FNTB: variants seen among roughly 807,000 people sequenced by gnomAD.
The protein encoded by FNTB is farnesyltransferase, CAAX box, subunit beta, also known as protein farnesyltransferase subunit beta.
Under a neutral mutation model 59.4 loss-of-function variants are expected in FNTB, and 27 were observed. The ratio of observed to expected loss-of-function variants is 0.45; its 90% CI spans 0.34 to 0.63. The LOEUF is 0.63. Among genes scored for constraint, FNTB ranks in the 20% least tolerant of loss-of-function variants. The pLI is 0.02. For synonymous variants in FNTB, 230 were observed against 220.7 expected (o/e 1.04, Z -0.37); for missense variants, 449 against 559.6 (o/e 0.80, Z 1.99).
At chr14:64,999,374 G>C (rs1162052185) in intron 1 of FNTB, among the ~76,000 whole-genome samples, 1 of 152,202 alleles carries the variant, frequency 6.6e-6, no homozygotes, top group Non-Finnish European at 1.5e-5. Context: ...GGAGGCAGAG[G>C]TTGCAATGAG....
chr14:65,002,374 C>T (rs572891305), intron 1 of FNTB, among the ~76,000 whole-genome samples: 19 of 152,186 alleles, frequency 1.2e-4, no homozygotes, highest in African/African-American at 3.4e-4. Flanking sequence ...TTTGGGAGGC[C>T]GAGGCAGGTA....
intron 2 of FNTB, among the ~76,000 whole-genome samples, chr14:65,005,457 CT>C (rs143226232): frequency 2.2e-5 from 2 of 91,056 alleles, no homozygotes; most frequent in South Asian, 6.9e-4. Flanking sequence ...TCTTTTCTTT[CT>C]TTCTTTCTTT....
At position 65,032,665 on chromosome 14, in the gene FNTB, C is replaced by G; in HGVS notation, c.661C>G (p.Leu221Val). ...GCTGACCAACATCATCACTCCAGAC[C>G]TCTTTGAGGGCACTGCTGAATGGAT... ...ASLTNIITPD[L>V]FEGTAEWIAR... The change falls in exon 7 of 12, where the codon CTC becomes GTC. Residue 221 changes from leucine (L) to valine (V), a missense_variant. Leu to Val is a conservative substitution (Grantham distance 32, BLOSUM62 1). Transcript: ENST00000246166. This position sits in a 1 kb window ranked among gnomAD's most constrained non-coding sequence, Gnocchi z 5.0. 1.2e-6 allele frequency: 2 copies of G among 1,613,970 alleles called. No homozygotes were observed. Among genetic ancestry groups the G allele is most frequent in the South Asian group, 1.1e-5 (1 of 91,056 alleles).
rs148676846 is a variant in FNTB, at chr14:65,034,353, T to G, written c.692+1657T>G. 2.6e-5 allele frequency among the ~76,000 whole-genome samples: 4 copies of G among 152,378 alleles called. No homozygotes were observed. The East Asian group carries it at 7.7e-4, about 29-fold the overall frequency. On this transcript the variant is annotated intron_variant, in intron 7 of 11. Coordinates refer to ENST00000246166, the MANE Select transcript of FNTB (RefSeq NM_002028.4). ...TGGTTTTCTTATTTTCATGAAGTAT[T>G]GTACTCCAACAGATCCCAAAAAAGG...
intron 8 of FNTB, among the ~76,000 whole-genome samples, chr14:65,042,343 C>A (rs559807160): frequency 1.3e-5 from 2 of 152,326 alleles, no homozygotes; most frequent in South Asian, 2.1e-4. Flanking sequence ...TGTTTTCTTT[C>A]AACTAGACAG....
At chr14:65,043,657 C>A (rs1205146883) in intron 8 of FNTB, among the ~76,000 whole-genome samples, 1 of 151,266 alleles carries the variant, frequency 6.6e-6, no homozygotes, top group Non-Finnish European at 1.5e-5. Flanking sequence ...CCCGTCTCTA[C>A]TAAAAATACA....
At chr14:64,998,804 A>G (rs1282586189) in intron 1 of FNTB, among the ~76,000 whole-genome samples, 4 of 152,254 alleles carry the variant, frequency 2.6e-5, no homozygotes, top group Non-Finnish European at 5.9e-5. Flanking sequence ...GAGAATTTAC[A>G]TTTCAAACAA....
At chr14:64,999,270 C>T (rs1166124750) in intron 1 of FNTB, among the ~76,000 whole-genome samples, 1 of 152,080 alleles carries the variant, frequency 6.6e-6, no homozygotes, top group Non-Finnish European at 1.5e-5. Flanking sequence ...AAACCCATCT[C>T]TACTAAAAAT....
chr14:65,017,198 C>T (rs1311117116), intron 4 of FNTB, among the ~76,000 whole-genome samples: 1 of 152,156 alleles, frequency 6.6e-6, no homozygotes, highest in East Asian at 1.9e-4. Flanking sequence ...GCTGGGATAA[C>T]AGGTGTGAGC....
intron 1 of FNTB, among the ~76,000 whole-genome samples, chr14:64,993,616 A>G (rs1256560986): frequency 1.3e-5 from 2 of 152,328 alleles, no homozygotes; most frequent in East Asian, 3.9e-4. Flanking sequence ...TGCAGCTTCA[A>G]TGACATGAAT....
At chr14:65,050,962 T>C (rs1265868320) in intron 9 of FNTB, among the ~76,000 whole-genome samples, 1 of 152,142 alleles carries the variant, frequency 6.6e-6, no homozygotes, top group African/African-American at 2.4e-5. Flanking sequence ...GAAGATAGAG[T>C]GAAGTCCCAT....
chr14:65,022,122 AAGG>A (rs2061899500), intron 4 of FNTB: 10 of 454,606 alleles, frequency 2.2e-5, no homozygotes, highest in South Asian at 1.2e-4. Context: ...CTACCTAGGG[AAGG>A]AGATTTCCTC....
At chr14:65,003,560 A>G (rs1406977503) in intron 1 of FNTB, 1 of 152,212 alleles carries the variant, frequency 6.6e-6, no homozygotes, top group Non-Finnish European at 1.5e-5. Flanking sequence ...ACCCAGGGGA[A>G]AATGAGTAAT....
In FNTB at chr14:64,994,642, T is replaced by TA. The variant is rs1218658600; in HGVS notation, c.144+7551dup. Among the ~76,000 whole-genome samples, 3 of 152,144 alleles carry TA rather than the reference T, an allele frequency of 2.0e-5. No homozygotes were observed. Among genetic ancestry groups the TA allele is most frequent in the Admixed American group, 6.5e-5 (1 of 15,280 alleles). ...TAAAGTAAAAATATGTTATAAAAGA[T>TA]AAAAAATGATAGACCTATCTAGGGA... On this transcript the variant is annotated intron_variant, in intron 1 of 11. Coordinates refer to ENST00000246166, the MANE Select transcript of FNTB (RefSeq NM_002028.4). This position sits in a 1 kb window ranked among gnomAD's most constrained non-coding sequence, Gnocchi z 4.2.
In FNTB at chr14:65,001,569, A is replaced by G. The variant is rs1400739021; in HGVS notation, c.145-2680A>G. On this transcript the variant is annotated intron_variant, in intron 1 of 11. Transcript: ENST00000246166. The surrounding 1 kb of genome is among the most constrained non-coding windows in gnomAD (Gnocchi z 5.5). ...AGGGTTGTATAGGTTTTGTGTAAAT[A>G]CTCCAGCATTTTATATCAAGGACTT... 6.6e-6 allele frequency among the ~76,000 whole-genome samples: 1 copy of G among 152,070 alleles called. No individual in the cohort carries two copies. Among genetic ancestry groups the G allele is most frequent in the South Asian group, 2.1e-4 (1 of 4,816 alleles).
intron 4 of FNTB, among the ~76,000 whole-genome samples, chr14:65,022,544 A>T (rs1431304761): frequency 6.6e-6 from 1 of 151,994 alleles, no homozygotes; most frequent in African/African-American, 2.4e-5. Flanking sequence ...ATATTATTTT[A>T]AAAATAGAGA....
intron 3 of FNTB, among the ~76,000 whole-genome samples, chr14:65,015,366 G>A (rs796627423): frequency 1.3e-4 from 20 of 148,566 alleles, no homozygotes; most frequent in African/African-American, 4.9e-4. Flanking sequence ...GCCTCCCAAA[G>A]TGCTGGGATT....
rs527255470 is a variant in FNTB, at chr14:65,011,884, G to A, written c.210-433G>A. The stretch of plus-strand genomic sequence containing the variant: ...GGGCCTTGGAGAAGTCATCCCAGAC[G>A]GGGTGACTGAAATGACAGCGGCTGA... On this transcript the variant is annotated intron_variant, in intron 2 of 11. Coordinates refer to ENST00000246166, the MANE Select transcript of FNTB (RefSeq NM_002028.4). This position sits in a 1 kb window ranked among gnomAD's most constrained non-coding sequence, Gnocchi z 4.0. Among the ~76,000 whole-genome samples, 5 of 152,296 alleles carry A rather than the reference G, an allele frequency of 3.3e-5. No homozygotes were observed. Among genetic ancestry groups the A allele is most frequent in the South Asian group, 4.1e-4 (2 of 4,826 alleles).
chr14:65,057,238 T>C (rs1361959821), intron 11 of FNTB, among the ~76,000 whole-genome samples: 1 of 152,144 alleles, frequency 6.6e-6, no homozygotes, highest in Non-Finnish European at 1.5e-5. Flanking sequence ...ATCCAAACCA[T>C]AGCATTTTGT....
Sources: allele counts gnomAD v4.1 joint callset (sites outside exome capture counted in the v4.1 genomes callset), GRCh38; gene constraint gnomAD v4.1.1; non-coding constraint Gnocchi (gnomAD v3.1); transcripts MANE v1.5; gene names NCBI Gene and HGNC (gene_info 2026-07-23, HGNC 2026-07-21).